METTL25: variants seen among roughly 807,000 people sequenced by gnomAD.
METTL25 encodes the protein methyltransferase like 25, also known as probable methyltransferase-like protein 25.
Under a neutral mutation model 71.6 loss-of-function variants are expected in METTL25, and 64 were observed. The ratio of observed to expected loss-of-function variants is 0.89; its 90% CI spans 0.73 to 1.10. The LOEUF (loss-of-function observed/expected upper bound fraction) is 1.10, where lower values mean the gene tolerates loss of function less well. Among genes scored for constraint, METTL25 ranks in the 50% least tolerant of loss-of-function variants. The pLI is 0.00. For synonymous variants in METTL25, 287 were observed against 250.3 expected (o/e 1.15, Z -1.38); for missense variants, 807 against 707.0 (o/e 1.14, Z -1.60).
At chr12:82,451,018 T>A (rs1891110548) in intron 8 of METTL25, among the ~76,000 whole-genome samples, 1 of 152,138 alleles carries the variant, frequency 6.6e-6, no homozygotes, top group African/African-American at 2.4e-5. Context: ...TTGTTGATCA[T>A]CTCCCATCTC....
chr12:82,437,927 C>T (rs1374616887), intron 7 of METTL25, among the ~76,000 whole-genome samples: 1 of 151,656 alleles, frequency 6.6e-6, no homozygotes, highest in Non-Finnish European at 1.5e-5. Context: ...ATATCGAGAT[C>T]TGTGGGGATG....
At chr12:82,412,835 G>A (rs1215154078) in intron 5 of METTL25, among the ~76,000 whole-genome samples, 1 of 151,418 alleles carries the variant, frequency 6.6e-6, no homozygotes, top group Non-Finnish European at 1.5e-5. Flanking sequence ...AATCTCACAG[G>A]GATTTTCCAG....
At chr12:82,372,907 A>T (rs990662503) in intron 1 of METTL25, among the ~76,000 whole-genome samples, 6 of 152,172 alleles carry the variant, frequency 3.9e-5, no homozygotes, top group Admixed American at 1.3e-4. Flanking sequence ...CGGTCCCTGG[A>T]CCCTGCTGAT....
At chr12:82,470,144 A>G (rs1301919787) in intron 9 of METTL25, among the ~76,000 whole-genome samples, 2 of 152,230 alleles carry the variant, frequency 1.3e-5, no homozygotes, top group Non-Finnish European at 2.9e-5. Flanking sequence ...TAGGATTTAA[A>G]AATCAAATCT....
intron 4 of METTL25, 111 bp from the exon 5 acceptor site, chr12:82,402,872 C>T: frequency 1.4e-6 from 1 of 730,668 alleles, no homozygotes; most frequent in Non-Finnish European, 2.2e-6. Context: ...GAATAGCCAC[C>T]ACAGTGCAGC....
In METTL25 at chr12:82,399,047, T is replaced by A. The variant is rs113558837; in HGVS notation, c.784T>A (p.Phe262Ile). Residue 262 changes from phenylalanine to isoleucine, a missense_variant, in exon 4 of 12, where the codon TTT becomes ATT. Coordinates refer to ENST00000248306, the MANE Select transcript of METTL25 (RefSeq NM_032230.3). Reference protein sequence around the residue: ...VKNKADTEEVFNNSPTNQEKM... With the variant: ...VKNKADTEEVINNSPTNQEKM... Reference sequence around the variant, plus strand: ...AAATAAAGCTGATACTGAGGAAGTGTTTAACAACAGTCCTACAAATCAAGA... The same window carrying A: ...AAATAAAGCTGATACTGAGGAAGTGATTAACAACAGTCCTACAAATCAAGA... 3.1e-6 allele frequency: 5 copies of A among 1,612,698 alleles called. 1 individual carries two copies. The African/African-American group carries it at 6.7e-5, about 22-fold the overall frequency.
intron 5 of METTL25, among the ~76,000 whole-genome samples, chr12:82,409,136 G>A (rs1887346799): frequency 1.3e-5 from 2 of 152,084 alleles, no homozygotes; most frequent in Admixed American, 1.3e-4. Context: ...ATACAGTGTG[G>A]TAGACCATGC....
At chr12:82,375,610 A>G in intron 1 of METTL25, among the ~76,000 whole-genome samples, 1 of 152,150 alleles carries the variant, frequency 6.6e-6, no homozygotes, top group Non-Finnish European at 1.5e-5. Flanking sequence ...GTTTTTAGAA[A>G]TGATTGAGAT....
At chr12:82,404,888 G>A (rs546516879) in intron 5 of METTL25, among the ~76,000 whole-genome samples, 1 of 151,672 alleles carries the variant, frequency 6.6e-6, no homozygotes, top group Admixed American at 6.6e-5. Flanking sequence ...AGGTTGCAGT[G>A]AGCCAAGATG....
rs900463550 is a variant in METTL25, at chr12:82,447,923, T to C, written c.1479-8804T>C. ...CACCTCATTATAATGATAAGAAAAA[T>C]TAAAATAAGTGGTTAAAAGCTTGTC... On this transcript the variant is annotated intron_variant, in intron 8 of 11. Coordinates refer to ENST00000248306, the MANE Select transcript of METTL25 (RefSeq NM_032230.3). Among the ~76,000 whole-genome samples the C allele has an allele frequency of 2.0e-4, 31 of 152,020 alleles. 1 individual carries two copies. The highest frequency in any genetic ancestry group is 2.0e-3 in the Admixed American group (31 of 15,244).
chr12:82,358,848 G>T (rs1251675391), intron 1 of METTL25, 24 bp downstream of exon 1: 1 of 1,579,382 alleles, frequency 6.3e-7, no homozygotes, highest in South Asian at 1.1e-5. Flanking sequence ...TAGGCGGGGC[G>T]GGAAGGGAGG....
intron 9 of METTL25, among the ~76,000 whole-genome samples, chr12:82,463,062 T>C (rs1294530294): frequency 6.6e-6 from 1 of 152,070 alleles, no homozygotes; most frequent in Admixed American, 6.6e-5. Flanking sequence ...CATTTATCAT[T>C]CCTTTGTGTT....
At chr12:82,468,424 C>G (rs79379511) in intron 9 of METTL25, 1,545 of 153,428 alleles carry the variant, frequency 0.01, 18 homozygotes, top group African/African-American at 0.036. Context: ...AAAGAAGAAG[C>G]TGGAAAACTG....
chr12:82,412,478 A>T (rs2137064654), intron 5 of METTL25, among the ~76,000 whole-genome samples: 1 of 152,156 alleles, frequency 6.6e-6, no homozygotes, highest in South Asian at 2.1e-4. Flanking sequence ...TACCAACCTG[A>T]TGTCAGTAAA....
chr12:82,370,806 C>G (rs546453826), intron 1 of METTL25, among the ~76,000 whole-genome samples: 68 of 152,178 alleles, frequency 4.5e-4, no homozygotes, highest in African/African-American at 1.6e-3. Flanking sequence ...CTTTCTGTCT[C>G]TTTCTCTCTT....
intron 1 of METTL25, among the ~76,000 whole-genome samples, chr12:82,384,052 AGAT>A (rs1884713928): frequency 1.3e-5 from 2 of 152,302 alleles, no homozygotes; most frequent in African/African-American, 4.8e-5. Context: ...GAGTAAGTAA[AGAT>A]GATAAGTAAA....
intron 8 of METTL25, among the ~76,000 whole-genome samples, chr12:82,439,552 A>G (rs934444209): frequency 2.6e-5 from 4 of 151,866 alleles, no homozygotes; most frequent in Non-Finnish European, 5.9e-5. Context: ...TAGATTAGCT[A>G]TTACTTCTCT....
chr12:82,420,263 G>A (rs1295782757), intron 5 of METTL25, among the ~76,000 whole-genome samples: 1 of 152,080 alleles, frequency 6.6e-6, no homozygotes, highest in East Asian at 1.9e-4. Flanking sequence ...GATATATTGT[G>A]TGTATAATAC....
chr12:82,439,625 G>A (rs1890175659), intron 8 of METTL25, among the ~76,000 whole-genome samples: 1 of 151,776 alleles, frequency 6.6e-6, no homozygotes, highest in South Asian at 2.1e-4. Flanking sequence ...TACACAGACT[G>A]TTTTCAACTG....
Sources: allele counts gnomAD v4.1 joint callset (sites outside exome capture counted in the v4.1 genomes callset), GRCh38; gene constraint gnomAD v4.1.1; transcripts MANE v1.5; gene names NCBI Gene and HGNC (gene_info 2026-07-23, HGNC 2026-07-21).